The following TYW1 variants were observed in gnomAD, a reference collection of about 807,000 sequenced individuals.
TYW1 encodes the protein tRNA-yW synthesizing protein 1 homolog, also known as S-adenosyl-L-methionine-dependent tRNA 4-demethylwyosine synthase TYW1.
In TYW1, 46 loss-of-function variants were observed where a neutral mutation model predicts 96.2. The ratio of observed to expected loss-of-function variants is 0.48; its 90% CI spans 0.38 to 0.61. TYW1 has a LOEUF of 0.61. TYW1 is among the 20% of genes least tolerant of loss of function. TYW1 has a pLI of 0.00. For missense variants in TYW1, 684 were observed against 909.6 expected (o/e 0.75, Z 3.19); for synonymous variants, 274 against 323.0 (o/e 0.85, Z 1.63).
intron 4 of TYW1, among the ~76,000 whole-genome samples, chr7:67,011,891 A>C (rs1006614670): frequency 2.0e-5 from 3 of 150,320 alleles, no homozygotes; most frequent in Non-Finnish European, 4.4e-5. Context: ...AAAAAAAAAG[A>C]AGCAGCACAT....
At chr7:67,010,028 G>A (rs945587335) in intron 4 of TYW1, among the ~76,000 whole-genome samples, 1 of 151,104 alleles carries the variant, frequency 6.6e-6, no homozygotes, top group Non-Finnish European at 1.5e-5. Flanking sequence ...TGTCACCCAG[G>A]CTGGAGTGCA....
At chr7:67,019,201 G>A (rs1794141434) in intron 6 of TYW1, among the ~76,000 whole-genome samples, 1 of 152,150 alleles carries the variant, frequency 6.6e-6, no homozygotes, top group African/African-American at 2.4e-5. Context: ...AGACTCAGAA[G>A]TGCTCTACAG....
chr7:67,220,798 C>T (rs1211064985), intron 15 of TYW1, among the ~76,000 whole-genome samples: 1 of 150,242 alleles, frequency 6.7e-6, no homozygotes, highest in Non-Finnish European at 1.5e-5. Context: ...AGTGCAATGG[C>T]GCGATCTCGG....
At chr7:67,142,723 C>A (rs528454923) in intron 13 of TYW1, among the ~76,000 whole-genome samples, 1 of 152,206 alleles carries the variant, frequency 6.6e-6, no homozygotes, top group Admixed American at 6.5e-5. Flanking sequence ...TGAGCCACTG[C>A]GCCTGGCCAG....
chr7:67,048,092 A>G (rs1429759042), intron 7 of TYW1, among the ~76,000 whole-genome samples: 1 of 346 alleles, frequency 2.9e-3, no homozygotes, highest in Non-Finnish European at 6.5e-3. Flanking sequence ...CCAGCCACAT[A>G]TGGGGGACAT....
At chr7:67,086,525 T>C (rs1796553362) in intron 11 of TYW1, among the ~76,000 whole-genome samples, 2 of 151,856 alleles carry the variant, frequency 1.3e-5, no homozygotes, top group African/African-American at 4.8e-5. Context: ...TTTTTAGGAG[T>C]TGGCTCATGT....
chr7:67,211,148 CATTGTGTGT>C (rs1801003410), intron 15 of TYW1, among the ~76,000 whole-genome samples: 1 of 118,064 alleles, frequency 8.5e-6, no homozygotes, highest in Non-Finnish European at 1.8e-5. Context: ...CCCCCATCAA[CATTGTGTGT>C]GTGTGTGTGT....
rs770110999 is a variant in TYW1 at position 67,009,627 on chromosome 7, G to T, written c.318G>T (p.Leu106=). 12 of 1,612,308 alleles carry T rather than the reference G, an allele frequency of 7.4e-6. No individual in the cohort carries two copies. The highest frequency in any genetic ancestry group is 1.0e-5 in the Non-Finnish European group (12 of 1,179,682). Residue 106 remains leucine (L), a synonymous_variant, in exon 4 of 16, where the codon CTG becomes CTT. Coordinates refer to ENST00000359626, the MANE Select transcript of TYW1 (RefSeq NM_018264.4). ...VLAEAVTSLD[L]PVAIINLKEY... ...CTGAAGCAGTTACATCCCTGGATCT[G>T]CCTGTGGCCATTATTAATCTAAAAG...
chr7:67,161,728 A>G (rs1203812045), intron 13 of TYW1, among the ~76,000 whole-genome samples: 1 of 152,134 alleles, frequency 6.6e-6, no homozygotes, highest in African/African-American at 2.4e-5. Flanking sequence ...TTTTGCATGG[A>G]AGGCTTAATT....
intron 13 of TYW1, among the ~76,000 whole-genome samples, chr7:67,118,254 G>A (rs2115981957): frequency 6.6e-6 from 1 of 152,304 alleles, no homozygotes; most frequent in African/African-American, 2.4e-5. Flanking sequence ...TTGAACCTGG[G>A]AGGTGGAGGC....
chr7:67,101,550 T>C (rs1318248786), intron 12 of TYW1, among the ~76,000 whole-genome samples: 1 of 152,182 alleles, frequency 6.6e-6, no homozygotes, highest in African/African-American at 2.4e-5. Flanking sequence ...AAGTCTAGCT[T>C]TGTCGCCCAG....
intron 5 of TYW1, among the ~76,000 whole-genome samples, chr7:67,016,976 G>A (rs936576822): frequency 5.8e-5 from 8 of 138,774 alleles, no homozygotes; most frequent in African/African-American, 2.1e-4. Flanking sequence ...ATTCAGATAT[G>A]TAAATTTTTT....
At chr7:67,155,565 T>G (rs530992104) in intron 13 of TYW1, among the ~76,000 whole-genome samples, 1 of 152,136 alleles carries the variant, frequency 6.6e-6, no homozygotes, top group African/African-American at 2.4e-5. Context: ...TATTCTTTTT[T>G]TTTTTTTGAG....
At chr7:67,014,670 T>A in intron 5 of TYW1, 109 bp downstream of exon 5, 1 of 1,314,876 alleles carries the variant, frequency 7.6e-7, no homozygotes, top group Non-Finnish European at 1.0e-6. Flanking sequence ...TAAACACACA[T>A]GTATGTGAAA....
At position 67,029,957 on chromosome 7, in the gene TYW1, C is replaced by T. The variant is rs150791543; in HGVS notation, c.984+4935C>T. 7.3e-3 allele frequency among the ~76,000 whole-genome samples: 1,114 copies of T among 152,132 alleles called. 18 individuals carry two copies. The highest frequency in any genetic ancestry group is 0.025 in the African/African-American group (1,048 of 41,498). On this transcript the variant is annotated intron_variant, in intron 7 of 15. Coordinates refer to ENST00000359626, the MANE Select transcript of TYW1 (RefSeq NM_018264.4). Reference sequence around the variant, plus strand: ...TATTATAAAGGCCACAGATCAGAAACGGTCAAATGGAAGAGATACTCTCGG... The same window carrying T: ...TATTATAAAGGCCACAGATCAGAAATGGTCAAATGGAAGAGATACTCTCGG...
intron 7 of TYW1, among the ~76,000 whole-genome samples, chr7:67,047,205 T>C (rs911543018): frequency 6.6e-6 from 1 of 152,136 alleles, no homozygotes; most frequent in African/African-American, 2.4e-5. Context: ...AAGGTTGAGA[T>C]TTTTTCATTT....
chr7:67,018,276 C>T, intron 6 of TYW1, 133 bp downstream of exon 6: 2 of 1,206,016 alleles, frequency 1.7e-6, no homozygotes, highest in Non-Finnish European at 1.1e-6. Context: ...CAGTGGCTCG[C>T]ACTTGTAATC....
chr7:67,185,986 C>T (rs55905428), intron 14 of TYW1, among the ~76,000 whole-genome samples: 46,504 of 139,776 alleles, frequency 0.33, 8,385 homozygotes, highest in African/African-American at 0.52. Context: ...TGTCTGAGTA[C>T]GTAACATTTT....
chr7:67,170,907 G>C (rs1799494772), intron 13 of TYW1, among the ~76,000 whole-genome samples: 2 of 152,136 alleles, frequency 1.3e-5, no homozygotes, highest in Non-Finnish European at 2.9e-5. Context: ...GTCTTTTTCT[G>C]GTTTGTTATG....
Sources: allele counts gnomAD v4.1 joint callset (sites outside exome capture counted in the v4.1 genomes callset), GRCh38; gene constraint gnomAD v4.1.1; transcripts MANE v1.5; gene names NCBI Gene and HGNC (gene_info 2026-07-23, HGNC 2026-07-21).